CRNKL1: variants seen among roughly 807,000 people sequenced by gnomAD.
The protein encoded by CRNKL1 is crooked neck pre-mRNA splicing factor 1, also known as crooked neck-like protein 1.
Under a neutral mutation model 103.7 loss-of-function variants are expected in CRNKL1, and 35 were observed. That is an observed-to-expected ratio of 0.34 (90% CI 0.26 to 0.45). The LOEUF (loss-of-function observed/expected upper bound fraction) is 0.45. Among genes scored for constraint, CRNKL1 ranks in the 20% least tolerant of loss-of-function variants. The pLI is 1.00. For missense variants in CRNKL1, 645 were observed against 836.0 expected, an observed-to-expected ratio of 0.77 and a Z score of 2.82; for synonymous variants, 267 against 282.6, an observed-to-expected ratio of 0.94 and a Z score of 0.55.
At chr20:20,047,231 A>T (rs893024981) in intron 5 of CRNKL1, among the ~76,000 whole-genome samples, 15 of 152,338 alleles carry the variant, frequency 9.8e-5, no homozygotes, top group African/African-American at 3.1e-4. Context: ...TGTGGATTCA[A>T]CCAACCTGAG....
chr20:20,035,581 G>GAC lies in CRNKL1; in HGVS notation c.*612_*613dup, dbSNP rs1277392634. ...GTTGTTCTAAAAAACAATATAACTG[G>GAC]ACACTAGTAAGAAAGTAAGGTAAAT... On this transcript the variant is annotated 3_prime_UTR_variant, in exon 14 of 14. Transcript: ENST00000536226. 6.6e-6 allele frequency: 1 copy of GAC among 152,098 alleles called. No homozygotes were observed. Among genetic ancestry groups the GAC allele is most frequent in the Non-Finnish European group, 1.5e-5 (1 of 68,028 alleles). 9.4% of individuals were successfully genotyped at this position (152,098 alleles called of 1,614,324 possible).
upstream of CRNKL1, among the ~76,000 whole-genome samples, chr20:20,055,721 G>T: frequency 6.6e-6 from 1 of 151,982 alleles, no homozygotes; most frequent in South Asian, 2.1e-4. Context: ...TTCCAATTTT[G>T]CTTTCAATTT....
chr20:20,036,210 A>G lies in CRNKL1; in HGVS notation c.2049T>C (p.Asp683=). 6.2e-7 allele frequency: 1 copy of G among 1,614,070 alleles called. No homozygotes were observed. The highest frequency in any genetic ancestry group is 8.5e-7 in the Non-Finnish European group (1 of 1,179,974). Residue 683 remains aspartate, a synonymous_variant, in exon 14 of 14, where the codon GAT becomes GAC. Transcript: ENST00000536226. ...DAEHHPDEDV[D]ESES The stretch of plus-strand genomic sequence containing the variant: ...GAAAAAAAGATCAGGATTCACTCTC[A>G]TCGACGTCCTCATCTGGATGGTGCT...
intron 10 of CRNKL1, 117 bp from the exon 11 acceptor site, chr20:20,039,965 C>A: frequency 9.7e-7 from 1 of 1,034,952 alleles, no homozygotes; most frequent in Middle Eastern, 3.2e-4. Flanking sequence ...GTCAACATGG[C>A]CTACCATTCT....
chr20:20,048,563 T>C, intron 3 of CRNKL1, 62 bp from the exon 4 acceptor site: 1 of 1,551,820 alleles, frequency 6.4e-7, no homozygotes, highest in Non-Finnish European at 8.9e-7. Context: ...AGCAGTTATT[T>C]CAAACTATCT....
At chr20:20,049,215 C>T in intron 3 of CRNKL1, 125 bp downstream of exon 3, 1 of 620,458 alleles carries the variant, frequency 1.6e-6, no homozygotes. Context: ...TCCATGGAAC[C>T]AAAGTTGAAA....
chr20:20,037,176 A>G, intron 13 of CRNKL1, 147 bp downstream of exon 13: 1 of 956,738 alleles, frequency 1.0e-6, no homozygotes, highest in Non-Finnish European at 1.6e-6. Context: ...TGTTTCCATA[A>G]CAGCCAGATT....
chr20:20,041,773 G>A, intron 8 of CRNKL1, 148 bp from the exon 9 acceptor site: 1 of 619,372 alleles, frequency 1.6e-6, no homozygotes, highest in Admixed American at 2.8e-5. Context: ...CCTGATTTAT[G>A]ATCTAAAGTA....
At position 20,039,421 on chromosome 20, in the gene CRNKL1, T is replaced by C. The variant is rs572461104; in HGVS notation, c.1545+188A>G. Among the ~76,000 whole-genome samples, 49 of 152,296 alleles carry C rather than the reference T, an allele frequency of 3.2e-4. No homozygotes were observed. In the South Asian group the frequency reaches 5.6e-3, roughly 17 times the overall value. On this transcript the variant is annotated intron_variant, in intron 11 of 13. Coordinates refer to ENST00000536226, the MANE Select transcript of CRNKL1 (RefSeq NM_001278628.2). ...ATCCTGGATGTCTACTGCTCTGGTA[T>C]CTAATGAGAGGGCTACTTCCCCTGT...
At chr20:20,053,955 C>T (rs1049775063), upstream of CRNKL1, among the ~76,000 whole-genome samples, 1 of 147,992 alleles carries the variant, frequency 6.8e-6, no homozygotes, top group South Asian at 2.1e-4. Flanking sequence ...CCATCCTTCT[C>T]TCTTACATTT....
rs1349168018 is a variant in CRNKL1 at position 20,042,496 on chromosome 20, A to G, written c.993T>C (p.Asp331=). ...EEVKANPHNY[D]AWFDYLRLVE... is the part of the protein sequence containing the mutation. ...CCAAGCGCAAGTAATCAAACCATGC[A>G]TCATAATTGTGTGGATTCGCCTAGA... is the stretch of plus-strand genomic sequence containing the variant. The change falls in exon 8 of 14, where the codon GAT becomes GAC. Residue 331 remains aspartate (D), a synonymous_variant. Transcript: ENST00000536226. The G allele has an allele frequency of 2.5e-6, 4 of 1,610,278 alleles. No homozygotes were observed. The Admixed American group carries it at 6.7e-5, about 27-fold the overall frequency.
intron 2 of CRNKL1, among the ~76,000 whole-genome samples, chr20:20,049,911 G>A (rs1051021114): frequency 6.6e-5 from 10 of 151,546 alleles, no homozygotes; most frequent in African/African-American, 1.9e-4. Context: ...TCTGCCTCCC[G>A]AGTTGCTGTG....
In CRNKL1 at chr20:20,049,383, T is replaced by C; in HGVS notation, c.253A>G (p.Ile85Val). ...CTTTCTTCCCATTGTGCGTATTTTA[T>C]CCAGTTACTAATCACAGTCCTGTTT... The part of the protein sequence containing the change: ...RKNRTVISNW[I>V]KYAQWEESLK... Residue 85 changes from isoleucine to valine, a missense_variant, in exon 3 of 14, where the codon ATA becomes GTA. By Grantham distance (29) the Ile-to-Val change is conservative. Transcript: ENST00000536226. 4.4e-6 allele frequency: 7 copies of C among 1,605,896 alleles called. No homozygotes were observed. Among genetic ancestry groups the C allele is most frequent in the Non-Finnish European group, 6.0e-6 (7 of 1,174,280 alleles).
At chr20:20,036,435 C>T in intron 13 of CRNKL1, 73 bp from the exon 14 acceptor site, 2 of 1,414,786 alleles carry the variant, frequency 1.4e-6, no homozygotes, top group African/African-American at 1.4e-5. Flanking sequence ...AGAATTTTTA[C>T]TGGAAATCCG....
chr20:20,052,233 G>A (rs1053925392), intron 1 of CRNKL1, 59 bp downstream of exon 1: 2 of 1,465,852 alleles, frequency 1.4e-6, no homozygotes, highest in Non-Finnish European at 1.9e-6. Context: ...GGCACCCTCA[G>A]GGCTGAGGGA....
intron 6 of CRNKL1, among the ~76,000 whole-genome samples, chr20:20,045,016 T>C (rs1021365274): frequency 6.6e-6 from 1 of 152,254 alleles, no homozygotes; most frequent in Non-Finnish European, 1.5e-5. Context: ...TTAAGTCCTT[T>C]ACTTAGGATG....
intron 11 of CRNKL1, among the ~76,000 whole-genome samples, chr20:20,039,379 A>T: frequency 6.6e-6 from 1 of 152,084 alleles, no homozygotes; most frequent in Non-Finnish European, 1.5e-5. Context: ...ATGATATCCC[A>T]GTTCATCCTG....
chr20:20,037,633 A>C, intron 12 of CRNKL1, 62 bp from the exon 13 acceptor site: 1 of 1,515,058 alleles, frequency 6.6e-7, no homozygotes, highest in East Asian at 2.3e-5. Context: ...ATAATGTAGT[A>C]ATAATAAAGC....
At position 20,036,184 on chromosome 20, in the gene CRNKL1, T is replaced by C. The variant is rs536975424; in HGVS notation, c.*11A>G. ...ATAAAAATAACAAAACATTTGTCTA[T>C]GAAAAAAAGATCAGGATTCACTCTC... On this transcript the variant is annotated 3_prime_UTR_variant, in exon 14 of 14. Transcript: ENST00000536226. 18 of 1,608,628 alleles carry C rather than the reference T, an allele frequency of 1.1e-5. No individual in the cohort carries two copies. Among genetic ancestry groups the C allele is most frequent in the South Asian group, 1.0e-4 (9 of 89,768 alleles).
Sources: gnomAD v4.1 joint callset for allele counts (sites outside exome capture counted in the v4.1 genomes callset) on GRCh38, gnomAD v4.1.1 for gene constraint, MANE v1.5 for transcripts, NCBI Gene and HGNC (gene_info 2026-07-23, HGNC 2026-07-21) for gene names.